The following SLC6A16 variants were observed in gnomAD, a reference collection of about 807,000 sequenced individuals.
The protein encoded by SLC6A16 is solute carrier family 6 member 16, also known as orphan sodium- and chloride-dependent neurotransmitter transporter NTT5.
A neutral mutation model predicts 65.4 loss-of-function variants in SLC6A16; 54 were observed. The ratio of observed to expected loss-of-function variants is 0.83; its 90% confidence interval spans 0.66 to 1.04. The LOEUF is 1.04. Ranked by LOEUF, SLC6A16 falls within the 50% of genes least tolerant of loss-of-function variation. The probability of loss-of-function intolerance (pLI) is 0.00; values close to 1 mark genes in which losing one functional copy is unlikely to be tolerated. For missense variants in SLC6A16, 816 were observed against 914.0 expected, an observed-to-expected ratio of 0.89 and a Z score of 1.38; for synonymous variants, 330 against 346.5, an observed-to-expected ratio of 0.95 and a Z score of 0.53.
At chr19:49,326,980 C>G (rs184397201), upstream of SLC6A16, among the ~76,000 whole-genome samples, 35 of 151,558 alleles carry the variant, frequency 2.3e-4, no homozygotes, top group East Asian at 6.4e-3. Flanking sequence ...GATCACACTA[C>G]TACACTCCAG....
At chr19:49,338,194 C>G in the SLC6A16 span, 1 of 1,436,394 alleles carries the variant, frequency 7.0e-7, no homozygotes, top group East Asian at 2.5e-5. The surrounding 1 kb of genome is among the most constrained non-coding windows in gnomAD (Gnocchi z 5.0). Flanking sequence ...ACAACTGTCC[C>G]CGGCGTCGCC....
At chr19:49,301,558 TG>T (rs1970293105) in intron 7 of SLC6A16, among the ~76,000 whole-genome samples, 1 of 152,192 alleles carries the variant, frequency 6.6e-6, no homozygotes, top group South Asian at 2.1e-4. Flanking sequence ...AAGGACACCT[TG>T]GTGTTACCAA....
intron 1 of SLC6A16, among the ~76,000 whole-genome samples, chr19:49,324,837 G>A (rs973186470): frequency 2.0e-5 from 3 of 152,196 alleles, no homozygotes; most frequent in Non-Finnish European, 4.4e-5. Flanking sequence ...GAGGAGAGCC[G>A]AAGACAGTTT....
the SLC6A16 span, chr19:49,339,349 A>G: frequency 1.2e-6 from 2 of 1,614,012 alleles, no homozygotes; most frequent in Admixed American, 3.3e-5. This position sits in a 1 kb window ranked among gnomAD's most constrained non-coding sequence, Gnocchi z 4.5. Flanking sequence ...CAGGGCCTCC[A>G]GAAGTGGCTG....
In SLC6A16 at chr19:49,308,987, T is replaced by C. The variant is rs749020068; in HGVS notation, c.1118A>G (p.Asp373Gly). The part of the protein sequence containing the change: ...YMPQSNNCLS[D>G]AFLVSVINLL... ...GTTTATCACAGACACGAGAAAGGCATCACTGAGACAGTTGTTGGACTGGGG... is the reference window on the plus strand; with the variant it reads ...GTTTATCACAGACACGAGAAAGGCACCACTGAGACAGTTGTTGGACTGGGG... Residue 373 changes from aspartate to glycine, a missense_variant, in exon 7 of 12, where the codon GAT (aspartate) becomes GGT (glycine). Asp to Gly is a moderately conservative substitution (Grantham distance 94). Transcript: ENST00000335875. 6.2e-7 allele frequency: 1 copy of C among 1,614,204 alleles called. No homozygotes were observed. Among genetic ancestry groups the C allele is most frequent in the Non-Finnish European group, 8.5e-7 (1 of 1,180,038 alleles).
the SLC6A16 span, chr19:49,336,573 GAAAT>G: frequency 4.5e-6 from 1 of 222,966 alleles, no homozygotes. Flanking sequence ...AAAACCCTAA[GAAAT>G]AGATATCATC....
intron 9 of SLC6A16, 46 bp from the exon 10 acceptor site, chr19:49,293,428 GGT>G (rs1568524135): frequency 6.3e-7 from 1 of 1,594,126 alleles, no homozygotes; most frequent in African/African-American, 1.3e-5. Flanking sequence ...GTCACGGCTG[GGT>G]GACAAGGGCT....
chr19:49,339,689 A>T, the SLC6A16 span: 1 of 1,410,146 alleles, frequency 7.1e-7, no homozygotes. The surrounding 1 kb of genome is among the most constrained non-coding windows in gnomAD (Gnocchi z 4.5). Flanking sequence ...GTACAGCTAC[A>T]GCGCAGGGCA....
chr19:49,339,309 A>C, the SLC6A16 span: 23 of 1,608,912 alleles, frequency 1.4e-5, no homozygotes, highest in Non-Finnish European at 1.9e-5. The surrounding 1 kb of genome is among the most constrained non-coding windows in gnomAD (Gnocchi z 4.5). Context: ...AATCCCTTTA[A>C]CTTTTCCCTA....
chr19:49,339,779 G>GC, the SLC6A16 span: 5 of 1,365,260 alleles, frequency 3.7e-6, no homozygotes, highest in Non-Finnish European at 4.7e-6. This position sits in a 1 kb window ranked among gnomAD's most constrained non-coding sequence, Gnocchi z 4.5. Flanking sequence ...GACGGCGGCG[G>GC]CGGGCACAGC....
chr19:49,333,337 G>T, the SLC6A16 span, among the ~76,000 whole-genome samples: 12 of 152,190 alleles, frequency 7.9e-5, no homozygotes, highest in African/African-American at 2.4e-4. Flanking sequence ...GCCGGGCGTA[G>T]TGGGTCATGC....
chr19:49,314,220 C>G (rs353979), intron 1 of SLC6A16, among the ~76,000 whole-genome samples: 1,725 of 152,138 alleles, frequency 0.011, 29 homozygotes, highest in African/African-American at 0.038. Context: ...TCAGCGAAAT[C>G]TGGACAAATC....
intron 1 of SLC6A16, among the ~76,000 whole-genome samples, chr19:49,322,318 G>T (rs1339425094): frequency 6.6e-6 from 1 of 152,120 alleles, no homozygotes; most frequent in Admixed American, 6.6e-5. Flanking sequence ...AATTCCATTT[G>T]TAATAGCATC....
chr19:49,302,170 C>G (rs1439696569), intron 7 of SLC6A16, among the ~76,000 whole-genome samples: 1 of 152,212 alleles, frequency 6.6e-6, no homozygotes, highest in South Asian at 2.1e-4. Flanking sequence ...CATTAATGAG[C>G]CTGCAACTAG....
chr19:49,314,465 T>C (rs927721467), intron 1 of SLC6A16, among the ~76,000 whole-genome samples: 2 of 152,208 alleles, frequency 1.3e-5, no homozygotes, highest in African/African-American at 2.4e-5. Flanking sequence ...TCAATAAATA[T>C]GTCTTTTTAA....
Position 49,295,695 on chromosome 19 carries a change from G to A in SLC6A16, c.1230-1142C>T, listed in dbSNP as rs117097888. On this transcript the variant is annotated intron_variant, in intron 7 of 11. Coordinates refer to ENST00000335875, the MANE Select transcript of SLC6A16 (RefSeq NM_014037.3). ...ACTTCCAAAGATACTTTGTCCCAAA[G>A]ATGTATGCCAAATACAACAAACTGG... is the stretch of plus-strand genomic sequence containing the variant. 2.8e-3 allele frequency among the ~76,000 whole-genome samples: 424 copies of A among 152,320 alleles called. 24 individuals are homozygous for A. In the East Asian group the frequency reaches 0.075, roughly 27 times the overall value.
upstream of SLC6A16, chr19:49,325,232 G>GC: frequency 1.0e-6 from 1 of 985,006 alleles, no homozygotes; most frequent in African/African-American, 1.7e-5. Context: ...CTGCGCATGC[G>GC]CCGCCGCGCC....
intron 7 of SLC6A16, among the ~76,000 whole-genome samples, chr19:49,301,727 A>C (rs1375345687): frequency 6.6e-6 from 1 of 152,140 alleles, no homozygotes; most frequent in Non-Finnish European, 1.5e-5. Context: ...TCTGTCCCTG[A>C]AACCACCTAA....
chr19:49,293,441 A>T (rs1395137574), intron 9 of SLC6A16, 59 bp from the exon 10 acceptor site: 1 of 1,552,708 alleles, frequency 6.4e-7, no homozygotes, highest in African/African-American at 1.4e-5. Context: ...GACAAGGGCT[A>T]AGTAGAGGCC....
Sources: allele counts gnomAD v4.1 joint callset (sites outside exome capture counted in the v4.1 genomes callset), GRCh38; gene constraint gnomAD v4.1.1; non-coding constraint Gnocchi (gnomAD v3.1); transcripts MANE v1.5; gene names NCBI Gene and HGNC (gene_info 2026-07-23, HGNC 2026-07-21).